CSGALNACT2: variants seen among roughly 807,000 people sequenced by gnomAD.
The protein encoded by CSGALNACT2 is chondroitin sulfate N-acetylgalactosaminyltransferase 2.
In CSGALNACT2, 35 loss-of-function variants were observed where a neutral mutation model predicts 55.3. The ratio of observed to expected loss-of-function variants is 0.63; its 90% CI spans 0.48 to 0.84. CSGALNACT2 has a LOEUF of 0.84. Ranked by LOEUF, CSGALNACT2 falls within the 40% of genes least tolerant of loss-of-function variation. The pLI is 0.00. For synonymous variants in CSGALNACT2, 196 were observed against 224.9 expected (o/e 0.87, Z 1.15); for missense variants, 544 against 657.5 (o/e 0.83, Z 1.89).
intron 1 of CSGALNACT2, among the ~76,000 whole-genome samples, chr10:43,139,454 C>T (rs1838570072): frequency 6.6e-6 from 1 of 152,196 alleles, no homozygotes; most frequent in Admixed American, 6.5e-5. Context: ...TAAATAAACA[C>T]AGTTCCAACC....
At chr10:43,172,012 T>C (rs1839391883) in intron 6 of CSGALNACT2, among the ~76,000 whole-genome samples, 1 of 152,218 alleles carries the variant, frequency 6.6e-6, no homozygotes, top group African/African-American at 2.4e-5. Context: ...CAAAGCCATG[T>C]GAGCAAGACT....
chr10:43,183,457 A>T lies in CSGALNACT2; in HGVS notation c.1544A>T (p.His515Leu). Residue 515 changes from histidine (H) to leucine (L), a missense_variant, in exon 8 of 8, where the codon CAC becomes CTC. By Grantham distance (99) the His-to-Leu change is moderately conservative. Coordinates refer to ENST00000374466, the MANE Select transcript of CSGALNACT2 (RefSeq NM_018590.5). ...GCCATGAATGAGGCCTCTCACTCCC[A>T]CCTGGGAATGCTGGTCTTCAGGGAG... ...SKAMNEASHS[H>L]LGMLVFREEI... 1 of 1,614,108 alleles carries T rather than the reference A, an allele frequency of 6.2e-7. No homozygotes were observed. Among genetic ancestry groups the T allele is most frequent in the Non-Finnish European group, 8.5e-7 (1 of 1,179,984 alleles).
chr10:43,178,701 G>A (rs1023037411), intron 7 of CSGALNACT2, among the ~76,000 whole-genome samples: 2 of 149,278 alleles, frequency 1.3e-5, no homozygotes, highest in Non-Finnish European at 3.0e-5. Flanking sequence ...TATATTTATT[G>A]TTATTTTTTA....
intron 4 of CSGALNACT2, among the ~76,000 whole-genome samples, chr10:43,161,033 G>T (rs1839136916): frequency 6.6e-6 from 1 of 152,076 alleles, no homozygotes. Context: ...AGCCACTACT[G>T]TTATGTTTCT....
At chr10:43,158,338 G>C (rs1326478968) in intron 2 of CSGALNACT2, among the ~76,000 whole-genome samples, 3 of 152,044 alleles carry the variant, frequency 2.0e-5, no homozygotes, top group African/African-American at 4.8e-5. Flanking sequence ...ATTTCTTTTA[G>C]TTGACCTAAA....
intron 6 of CSGALNACT2, among the ~76,000 whole-genome samples, chr10:43,172,011 G>A (rs1449736799): frequency 6.6e-6 from 1 of 152,224 alleles, no homozygotes; most frequent in Non-Finnish European, 1.5e-5. Context: ...GCAAAGCCAT[G>A]TGAGCAAGAC....
At chr10:43,141,274 G>T (rs1389089357) in intron 1 of CSGALNACT2, among the ~76,000 whole-genome samples, 1 of 151,802 alleles carries the variant, frequency 6.6e-6, no homozygotes, top group Non-Finnish European at 1.5e-5. Flanking sequence ...CTGGAGTGCA[G>T]TGGCGCCATC....
At chr10:43,179,507 C>T (rs896824710) in intron 7 of CSGALNACT2, among the ~76,000 whole-genome samples, 1 of 152,076 alleles carries the variant, frequency 6.6e-6, no homozygotes, top group African/African-American at 2.4e-5. Context: ...CTCCTCAGGG[C>T]CTGTGCAGTT....
At chr10:43,176,093 C>T (rs562729829) in intron 7 of CSGALNACT2, 61 bp downstream of exon 7, 1 of 1,333,908 alleles carries the variant, frequency 7.5e-7, no homozygotes, top group Non-Finnish European at 1.0e-6. Flanking sequence ...TGGTATTTTG[C>T]TAAAAGGTCT....
chr10:43,145,806 T>A (rs948286883), intron 1 of CSGALNACT2, among the ~76,000 whole-genome samples: 4 of 152,206 alleles, frequency 2.6e-5, no homozygotes, highest in Admixed American at 6.5e-5. Context: ...ATTTGCAAGG[T>A]CAAGGTTGTT....
chr10:43,178,548 G>C (rs1204204467), intron 7 of CSGALNACT2, among the ~76,000 whole-genome samples: 4 of 151,042 alleles, frequency 2.6e-5, no homozygotes, highest in Non-Finnish European at 5.9e-5. Flanking sequence ...ATGAACCTGG[G>C]AGGCGGAGTT....
intron 4 of CSGALNACT2, chr10:43,162,999 C>G: frequency 1.0e-6 from 1 of 985,284 alleles, no homozygotes; most frequent in Non-Finnish European, 1.2e-6. Context: ...TTTTAAGATT[C>G]CGTTGACCCT....
intron 5 of CSGALNACT2, among the ~76,000 whole-genome samples, chr10:43,166,292 G>A (rs1339546565): frequency 6.6e-6 from 1 of 152,202 alleles, no homozygotes; most frequent in Non-Finnish European, 1.5e-5. Flanking sequence ...TAGGGATCTT[G>A]TAATAAAAAG....
intron 1 of CSGALNACT2, among the ~76,000 whole-genome samples, chr10:43,152,394 T>C (rs1838894824): frequency 7.0e-6 from 1 of 143,084 alleles, no homozygotes; most frequent in African/African-American, 2.7e-5. Context: ...TTGAAATCTT[T>C]CATTTTTAAT....
At position 43,183,898 on chromosome 10, in the gene CSGALNACT2, T is replaced by C; in HGVS notation, c.*356T>C. The stretch of plus-strand genomic sequence containing the variant: ...GCGGATGGAATGTGCTGGGCCACTG[T>C]TGGGTGGAGAGCAGCACATTCTTAC... On this transcript the variant is annotated 3_prime_UTR_variant, in exon 8 of 8. Coordinates refer to ENST00000374466, the MANE Select transcript of CSGALNACT2 (RefSeq NM_018590.5). 1 of 291,294 alleles carries C rather than the reference T, an allele frequency of 3.4e-6. No homozygotes were observed. The highest frequency in any genetic ancestry group is 4.0e-5 in the South Asian group (1 of 24,996). The allele number at this position is 291,294 out of a possible 1,614,324, so 18.0% of individuals were successfully genotyped here. A position where few individuals can be genotyped will look rare whatever the true frequency, so the allele number is the denominator to read the frequency against.
chr10:43,152,819 T>C (rs1005370174), intron 1 of CSGALNACT2, among the ~76,000 whole-genome samples: 12 of 152,196 alleles, frequency 7.9e-5, no homozygotes, highest in Admixed American at 2.0e-4. Context: ...CATTTTCAGT[T>C]CTTTTTCCTA....
chr10:43,178,872 TG>T (rs1422435168), intron 7 of CSGALNACT2, among the ~76,000 whole-genome samples: 3 of 152,144 alleles, frequency 2.0e-5, no homozygotes, highest in Non-Finnish European at 1.5e-5. Context: ...GTACATTTAA[TG>T]GTATCCCACA....
chr10:43,170,817 CTT>C (rs1839367487), intron 6 of CSGALNACT2, among the ~76,000 whole-genome samples: 1 of 152,202 alleles, frequency 6.6e-6, no homozygotes, highest in Non-Finnish European at 1.5e-5. Context: ...GAGAAGGACA[CTT>C]TAGCTCACAG....
intron 1 of CSGALNACT2, among the ~76,000 whole-genome samples, chr10:43,147,044 C>T (rs1299844368): frequency 8.9e-6 from 1 of 112,480 alleles, no homozygotes; most frequent in African/African-American, 3.5e-5. Flanking sequence ...GGCGGGATCT[C>T]GGCTCACTGC....
Sources: allele counts gnomAD v4.1 joint callset (sites outside exome capture counted in the v4.1 genomes callset), GRCh38; gene constraint gnomAD v4.1.1; transcripts MANE v1.5; gene names NCBI Gene and HGNC (gene_info 2026-07-23, HGNC 2026-07-21).